The following IMMP2L variants were observed in gnomAD, a reference collection of about 807,000 sequenced individuals.
The protein encoded by IMMP2L is mitochondrial inner membrane protease subunit 2.
A neutral mutation model predicts 19.3 loss-of-function variants in IMMP2L; 18 were observed. The ratio of observed to expected loss-of-function variants is 0.93; its 90% CI spans 0.64 to 1.38. IMMP2L has a LOEUF of 1.38. Ranked by LOEUF, IMMP2L falls within the 40% of genes most tolerant of loss-of-function variation. The probability of loss-of-function intolerance (pLI) is 0.00; values close to 1 mark genes in which losing one functional copy is unlikely to be tolerated. For missense variants in IMMP2L, 233 were observed against 218.2 expected, an observed-to-expected ratio of 1.07 and a Z score of -0.43; for synonymous variants, 76 against 73.0, an observed-to-expected ratio of 1.04 and a Z score of -0.21.
chr7:111,459,354 G>A (rs999131673), intron 3 of IMMP2L, among the ~76,000 whole-genome samples: 4 of 152,020 alleles, frequency 2.6e-5, no homozygotes, highest in Admixed American at 6.6e-5. Context: ...TTATCACAAC[G>A]TTAGCTCCAT....
At chr7:110,889,054 A>C (rs1269544327) in intron 4 of IMMP2L, among the ~76,000 whole-genome samples, 2 of 152,230 alleles carry the variant, frequency 1.3e-5, no homozygotes, top group Non-Finnish European at 2.9e-5. Context: ...ACTCACAAGT[A>C]ATCTTTTGCA....
chr7:111,144,664 T>G (rs1803277607), intron 3 of IMMP2L, among the ~76,000 whole-genome samples: 1 of 152,068 alleles, frequency 6.6e-6, no homozygotes, highest in East Asian at 1.9e-4. Flanking sequence ...AGACTGGCCA[T>G]ATAAAAAACA....
chr7:110,777,764 G>A (rs1799491323), intron 5 of IMMP2L, among the ~76,000 whole-genome samples: 1 of 151,892 alleles, frequency 6.6e-6, no homozygotes, highest in Non-Finnish European at 1.5e-5. Context: ...AGTTACAAGG[G>A]AGAAAATCTT....
chr7:110,977,813 T>C (rs57167163), intron 3 of IMMP2L, among the ~76,000 whole-genome samples: 56,713 of 151,632 alleles, frequency 0.37, 12,485 homozygotes, highest in Non-Finnish European at 0.51. Context: ...ATAGTACAGA[T>C]AGATTAAGCC....
intron 5 of IMMP2L, among the ~76,000 whole-genome samples, chr7:110,791,596 C>A (rs1351826637): frequency 6.6e-6 from 1 of 151,698 alleles, no homozygotes; most frequent in African/African-American, 2.4e-5. Flanking sequence ...TAATTTGGAA[C>A]CAACTGTGTG....
intron 4 of IMMP2L, among the ~76,000 whole-genome samples, chr7:110,949,886 A>G (rs1485502559): frequency 6.6e-6 from 1 of 152,212 alleles, no homozygotes; most frequent in Non-Finnish European, 1.5e-5. Flanking sequence ...CTAGAAGTCT[A>G]ACACCCACCA....
At chr7:111,016,814 T>TA (rs1435582086) in intron 3 of IMMP2L, among the ~76,000 whole-genome samples, 32 of 50,424 alleles carry the variant, frequency 6.3e-4, no homozygotes, top group Non-Finnish European at 1.1e-3. Context: ...ATATACTATA[T>TA]ATTATATATA....
At chr7:110,731,840 A>C (rs1796294801) in intron 5 of IMMP2L, among the ~76,000 whole-genome samples, 2 of 152,212 alleles carry the variant, frequency 1.3e-5, no homozygotes, top group African/African-American at 4.8e-5. Context: ...TCTATTAATC[A>C]TTCCATACTT....
At chr7:110,890,101 G>A (rs976317325) in intron 4 of IMMP2L, among the ~76,000 whole-genome samples, 6 of 152,058 alleles carry the variant, frequency 3.9e-5, no homozygotes, top group Non-Finnish European at 7.4e-5. Flanking sequence ...CCTGAACTAC[G>A]CTTCAGTAAT....
At chr7:110,772,386 C>T (rs554259705) in intron 5 of IMMP2L, among the ~76,000 whole-genome samples, 12 of 152,278 alleles carry the variant, frequency 7.9e-5, no homozygotes, top group African/African-American at 2.9e-4. Flanking sequence ...GCTGGACCCC[C>T]AAGGACAGCT....
Position 110,789,401 on chromosome 7 carries a change from A to G in IMMP2L, c.408+97192T>C, listed in dbSNP as rs1418062994. On this transcript the variant is annotated intron_variant, in intron 5 of 5. Transcript: ENST00000405709. ...TAGCTTCTCCCTGTTTCTCATACCC[A>G]CCTTAAATCTGTTAGCAAACCCTAT... Among the ~76,000 whole-genome samples the G allele has an allele frequency of 3.3e-5, 5 of 151,496 alleles. No individual in the cohort carries two copies. In the East Asian group the frequency reaches 9.7e-4, roughly 29 times the overall value.
intron 5 of IMMP2L, among the ~76,000 whole-genome samples, chr7:110,786,458 T>C (rs1800085359): frequency 6.6e-6 from 1 of 151,958 alleles, no homozygotes; most frequent in Non-Finnish European, 1.5e-5. Context: ...GTGAAATTGC[T>C]ATCACTTCAC....
chr7:111,330,934 T>C (rs556040873), intron 3 of IMMP2L, among the ~76,000 whole-genome samples: 8 of 151,958 alleles, frequency 5.3e-5, no homozygotes, highest in Middle Eastern at 3.4e-3. Flanking sequence ...TTAACAAATA[T>C]TGACAAGGAT....
chr7:110,775,491 A>G (rs2131047080), intron 5 of IMMP2L, among the ~76,000 whole-genome samples: 1 of 152,176 alleles, frequency 6.6e-6, no homozygotes, highest in Non-Finnish European at 1.5e-5. Context: ...ACTAGTAGAG[A>G]AAACCATGAC....
intron 5 of IMMP2L, among the ~76,000 whole-genome samples, chr7:110,823,789 T>G (rs1803234205): frequency 6.6e-6 from 1 of 152,120 alleles, no homozygotes; most frequent in Non-Finnish European, 1.5e-5. Flanking sequence ...GATTTTAAAG[T>G]TGCTCAGAGA....
intron 3 of IMMP2L, among the ~76,000 whole-genome samples, chr7:111,116,235 GAT>G (rs1438340035): frequency 6.6e-6 from 1 of 152,100 alleles, no homozygotes; most frequent in Non-Finnish European, 1.5e-5. Context: ...ATTTGTTTAT[GAT>G]CTGCATTAAT....
intron 5 of IMMP2L, among the ~76,000 whole-genome samples, chr7:110,783,346 C>T (rs1799868725): frequency 6.6e-6 from 1 of 151,712 alleles, no homozygotes; most frequent in Admixed American, 6.6e-5. Context: ...TAAAGGTCAG[C>T]AAAAATAATT....
intron 3 of IMMP2L, among the ~76,000 whole-genome samples, chr7:110,966,862 G>A (rs950909130): frequency 4.6e-5 from 7 of 151,902 alleles, no homozygotes; most frequent in Non-Finnish European, 8.8e-5. Context: ...ACTTCTCTTC[G>A]TCTTAATTTT....
intron 3 of IMMP2L, among the ~76,000 whole-genome samples, chr7:111,334,200 C>T (rs1012916772): frequency 2.0e-5 from 3 of 148,776 alleles, no homozygotes; most frequent in Non-Finnish European, 4.5e-5. Context: ...TATATATTTC[C>T]CCCCTTCATC....
Sources: gnomAD v4.1 joint callset for allele counts (sites outside exome capture counted in the v4.1 genomes callset) on GRCh38, gnomAD v4.1.1 for gene constraint, MANE v1.5 for transcripts, NCBI Gene and HGNC (gene_info 2026-07-23, HGNC 2026-07-21) for gene names.